Variants in SYN3 observed in about 807,000 individuals in gnomAD.
The protein encoded by SYN3 is synapsin-3.
In SYN3, 35 loss-of-function variants were observed where a neutral mutation model predicts 65.8. The ratio of observed to expected loss-of-function variants is 0.53; its 90% CI spans 0.41 to 0.70. The LOEUF is 0.70. Among genes scored for constraint, SYN3 ranks in the 30% least tolerant of loss-of-function variants. SYN3 has a pLI of 0.00. For synonymous variants in SYN3, 270 were observed against 292.9 expected (o/e 0.92, Z 0.80); for missense variants, 680 against 749.0 (o/e 0.91, Z 1.08).
chr22:32,536,868 G>A (rs1419003186), intron 9 of SYN3, among the ~76,000 whole-genome samples: 2 of 152,198 alleles, frequency 1.3e-5, no homozygotes, highest in Admixed American at 6.5e-5. Flanking sequence ...TCAGTGACAT[G>A]AGCCAGTAAA....
chr22:33,051,667 A>G (rs1304487458), intron 1 of SYN3, among the ~76,000 whole-genome samples: 1 of 116,022 alleles, frequency 8.6e-6, no homozygotes, highest in Non-Finnish European at 1.8e-5. Flanking sequence ...GCCCAAATAC[A>G]TTAAGGCACA....
chr22:32,918,889 T>G (rs1018468297), intron 4 of SYN3, among the ~76,000 whole-genome samples: 3 of 152,118 alleles, frequency 2.0e-5, no homozygotes, highest in Non-Finnish European at 4.4e-5. Flanking sequence ...CCTTGCAGCT[T>G]GGAGAAGGCA....
chr22:32,517,324 G>T (rs137867509), intron 13 of SYN3, among the ~76,000 whole-genome samples: 1 of 152,156 alleles, frequency 6.6e-6, no homozygotes, highest in African/African-American at 2.4e-5. Flanking sequence ...AAGAAAGCTC[G>T]GCTTAGCCTT....
intron 1 of SYN3, among the ~76,000 whole-genome samples, chr22:33,024,694 T>C (rs567964945): frequency 2.2e-4 from 33 of 152,290 alleles, no homozygotes; most frequent in Admixed American, 1.9e-3. Context: ...ACAATAAAGA[T>C]TATAATCCGG....
intron 10 of SYN3, among the ~76,000 whole-genome samples, chr22:32,532,915 C>T (rs988599210): frequency 1.3e-5 from 2 of 151,350 alleles, no homozygotes; most frequent in African/African-American, 2.4e-5. Context: ...GAAGTTATGG[C>T]GGACTCTGAG....
intron 6 of SYN3, among the ~76,000 whole-genome samples, chr22:32,691,803 C>T (rs964456405): frequency 2.6e-5 from 4 of 152,010 alleles, no homozygotes; most frequent in Admixed American, 2.6e-4. Context: ...AATGCAGCCA[C>T]CTGCTAAGAT....
intron 7 of SYN3, among the ~76,000 whole-genome samples, chr22:32,553,380 A>G (rs1385648143): frequency 1.3e-5 from 2 of 152,228 alleles, no homozygotes; most frequent in East Asian, 1.9e-4. Context: ...GACATGGCAA[A>G]AAAGGTAAAA....
intron 7 of SYN3, among the ~76,000 whole-genome samples, chr22:32,565,729 A>ATT (rs112055588): frequency 6.8e-6 from 1 of 147,940 alleles, no homozygotes; most frequent in East Asian, 2.1e-4. Context: ...TATTTATTTA[A>ATT]TTTTTTTTTA....
At chr22:33,035,434 TGCATC>T (rs2053842021) in intron 1 of SYN3, among the ~76,000 whole-genome samples, 1 of 146,512 alleles carries the variant, frequency 6.8e-6, no homozygotes, top group Non-Finnish European at 1.5e-5. Flanking sequence ...TGTTACATTA[TGCATC>T]AGCCAGGTCC....
chr22:32,597,616 T>C (rs2059221530), intron 6 of SYN3, among the ~76,000 whole-genome samples: 2 of 152,222 alleles, frequency 1.3e-5, no homozygotes. Context: ...ATAGCGGCCA[T>C]GTCTGCCTCT....
chr22:32,519,150 C>T lies in SYN3; in HGVS notation c.1319-816G>A, dbSNP rs188973892. Among the ~76,000 whole-genome samples the T allele has an allele frequency of 1.1e-3, 175 of 152,256 alleles. 1 individual carries two copies. The highest frequency in any genetic ancestry group is 3.4e-3 in the Middle Eastern group (1 of 294). On this transcript the variant is annotated intron_variant, in intron 12 of 13. Transcript: ENST00000358763. ...AAACATCTGTTGTTTAAGGCCCCCC[C>T]AGTCTATGGCATTTTGTTATCAAGG...
intron 6 of SYN3, among the ~76,000 whole-genome samples, chr22:32,698,156 C>T (rs998693984): frequency 1.3e-5 from 2 of 152,138 alleles, no homozygotes; most frequent in African/African-American, 4.8e-5. Context: ...AACTGATACA[C>T]CCTGCCTTGG....
chr22:32,545,458 C>T (rs2058322905), intron 7 of SYN3, among the ~76,000 whole-genome samples: 1 of 152,188 alleles, frequency 6.6e-6, no homozygotes, highest in African/African-American at 2.4e-5. Flanking sequence ...TGGGCAGGCG[C>T]CCTCTGGGAA....
chr22:32,624,657 G>T (rs1389325965), intron 6 of SYN3, among the ~76,000 whole-genome samples: 1 of 152,190 alleles, frequency 6.6e-6, no homozygotes, highest in Non-Finnish European at 1.5e-5. Flanking sequence ...GAGAACTTGG[G>T]CTGGGCCTTT....
intron 1 of SYN3, among the ~76,000 whole-genome samples, chr22:33,025,331 G>A (rs1197839834): frequency 1.3e-5 from 2 of 151,222 alleles, no homozygotes; most frequent in African/African-American, 4.9e-5. Context: ...GTGCATGCCT[G>A]TAGTCCCAGC....
At position 32,612,805 on chromosome 22, in the gene SYN3, C is replaced by A. The variant is rs375309028; in HGVS notation, c.712-16069G>T. Among the ~76,000 whole-genome samples, 16 of 152,270 alleles carry A rather than the reference C, an allele frequency of 1.1e-4. 1 individual carries two copies. The highest frequency in any genetic ancestry group is 3.4e-3 in the Middle Eastern group (1 of 294). On this transcript the variant is annotated intron_variant, in intron 6 of 13. Transcript: ENST00000358763. ...TGCAGTGAGCAGCTGCACCACTGAA[C>A]TCCAGCCTGGGTGACAAAGTGAGAC...
rs201719238 is a variant in SYN3 at position 33,008,924 on chromosome 22, C to CA, written c.-162-2101dup. Among the ~76,000 whole-genome samples the CA allele has an allele frequency of 1.2e-3, 71 of 57,068 alleles. 2 individuals are homozygous for CA. Among genetic ancestry groups the CA allele is most frequent in the East Asian group, 1.5e-3 (1 of 650 alleles). The allele number at this position is 57,068 out of a possible 152,430, so 37.4% of individuals were successfully genotyped here. On this transcript the variant is annotated intron_variant, in intron 1 of 13. Transcript: ENST00000358763. ...TGGGTGACAGAGTAAGACTTTATCT[C>CA]AAAAAAAAAAAAAAAAAAAAAAAAA...
chr22:32,976,114 T>C (rs2052177670), intron 3 of SYN3, among the ~76,000 whole-genome samples: 1 of 152,174 alleles, frequency 6.6e-6, no homozygotes, highest in African/African-American at 2.4e-5. Flanking sequence ...ACATTGATGT[T>C]AAATACATAA....
chr22:32,697,866 T>C (rs573157201), intron 6 of SYN3, among the ~76,000 whole-genome samples: 39 of 152,278 alleles, frequency 2.6e-4, no homozygotes, highest in African/African-American at 8.7e-4. Context: ...CTCACACATT[T>C]CTGCTTGAAC....
Sources: gnomAD v4.1 joint callset for allele counts (sites outside exome capture counted in the v4.1 genomes callset) on GRCh38, gnomAD v4.1.1 for gene constraint, MANE v1.5 for transcripts, NCBI Gene and HGNC (gene_info 2026-07-23, HGNC 2026-07-21) for gene names.